Variants in MCTP1 observed in about 807,000 individuals in gnomAD.
The protein encoded by MCTP1 is multiple C2 and transmembrane domain-containing protein 1.
Under a neutral mutation model 120.6 loss-of-function variants are expected in MCTP1, and 69 were observed. That is an observed-to-expected ratio of 0.57 (90% CI 0.47 to 0.70). The LOEUF is 0.70. Among genes scored for constraint, MCTP1 ranks in the 30% least tolerant of loss-of-function variants. The pLI, the probability that MCTP1 is intolerant of heterozygous loss-of-function variation, is 0.00. For missense variants in MCTP1, 1,203 were observed against 1,248.8 expected, an observed-to-expected ratio of 0.96 and a Z score of 0.55; for synonymous variants, 529 against 493.1, an observed-to-expected ratio of 1.07 and a Z score of -0.96.
rs1753977483 is a variant in MCTP1 at position 94,703,895 on chromosome 5, C to CCATT, written c.*3597_*3600dup. 6.6e-6 allele frequency: 1 copy of CCATT among 150,656 alleles called. No homozygotes were observed. The highest frequency in any genetic ancestry group is 2.4e-5 in the African/African-American group (1 of 41,150). 9.3% of individuals were successfully genotyped at this position (150,656 alleles called of 1,614,324 possible). ...TTCAATAGTATTTCTCAAATTTTAG[C>CCATT]CATTCAGCTGAAGTAAATCTTATGT... On this transcript the variant is annotated 3_prime_UTR_variant, in exon 23 of 23. Transcript: ENST00000515393.
intron 1 of MCTP1, among the ~76,000 whole-genome samples, chr5:95,031,027 C>A (rs1246045508): frequency 6.6e-6 from 1 of 150,606 alleles, no homozygotes; most frequent in Non-Finnish European, 1.5e-5. Context: ...ACTAACCAAG[C>A]AAAAGAATGA....
At chr5:95,051,924 C>T (rs1295177977) in intron 1 of MCTP1, among the ~76,000 whole-genome samples, 1 of 152,102 alleles carries the variant, frequency 6.6e-6, no homozygotes. Flanking sequence ...AAAAACTACC[C>T]ATCCAGTACT....
intron 1 of MCTP1, among the ~76,000 whole-genome samples, chr5:95,157,799 C>T (rs1395849315): frequency 6.6e-6 from 1 of 152,182 alleles, no homozygotes; most frequent in African/African-American, 2.4e-5. Context: ...CAGCCAGATG[C>T]CTGTTTTTAT....
chr5:95,024,753 A>G (rs1838912090), intron 1 of MCTP1, among the ~76,000 whole-genome samples: 1 of 152,152 alleles, frequency 6.6e-6, no homozygotes, highest in Non-Finnish European at 1.5e-5. Context: ...ATCAACTTAC[A>G]AAAACCAGTG....
chr5:94,769,302 A>C (rs1217970210), intron 19 of MCTP1, among the ~76,000 whole-genome samples: 1 of 152,210 alleles, frequency 6.6e-6, no homozygotes, highest in African/African-American at 2.4e-5. Context: ...ACTAAGTCCT[A>C]GTGTTCAATA....
intron 10 of MCTP1, among the ~76,000 whole-genome samples, chr5:94,903,773 A>C (rs917118840): frequency 6.6e-6 from 1 of 152,228 alleles, no homozygotes. Flanking sequence ...ATAAACAAGC[A>C]TTTGGCACAC....
chr5:94,799,722 AT>A (rs952564258), intron 17 of MCTP1, among the ~76,000 whole-genome samples: 4 of 152,156 alleles, frequency 2.6e-5, no homozygotes. Context: ...TTACAAGCAA[AT>A]TTTGTCAAAA....
intron 19 of MCTP1, among the ~76,000 whole-genome samples, chr5:94,752,291 G>A (rs898680280): frequency 2.0e-5 from 3 of 151,308 alleles, no homozygotes; most frequent in Non-Finnish European, 2.9e-5. Context: ...AAAGTGGTGA[G>A]GATGAGCCCT....
intron 1 of MCTP1, among the ~76,000 whole-genome samples, chr5:95,088,656 G>A (rs1252289848): frequency 6.6e-6 from 1 of 152,106 alleles, no homozygotes; most frequent in Non-Finnish European, 1.5e-5. Context: ...TTGTGTAAAT[G>A]GTACTTTATT....
intron 1 of MCTP1, among the ~76,000 whole-genome samples, chr5:95,109,651 C>T (rs944952645): frequency 1.6e-4 from 24 of 152,178 alleles, no homozygotes; most frequent in South Asian, 6.2e-4. Flanking sequence ...GTTACACAGA[C>T]GCAGAAAATA....
intron 17 of MCTP1, among the ~76,000 whole-genome samples, chr5:94,839,145 C>T (rs191097495): frequency 6.6e-6 from 1 of 152,298 alleles, no homozygotes. Flanking sequence ...CCCTCAGATA[C>T]CATCCCTATG....
At chr5:94,766,578 C>T (rs983014750) in intron 19 of MCTP1, among the ~76,000 whole-genome samples, 1 of 151,648 alleles carries the variant, frequency 6.6e-6, no homozygotes, top group Admixed American at 6.6e-5. Flanking sequence ...TGCTAAATGA[C>T]GAGTTAACGG....
intron 1 of MCTP1, among the ~76,000 whole-genome samples, chr5:95,045,737 C>A (rs11742979): frequency 0.76 from 114,880 of 151,606 alleles, 46,443 homozygotes; most frequent in Non-Finnish European, 0.91. Context: ...ATATACCAAA[C>A]ATGTGATATA....
chr5:95,228,493 C>A (rs76249218), intron 1 of MCTP1, among the ~76,000 whole-genome samples: 26 of 92,584 alleles, frequency 2.8e-4, no homozygotes, highest in African/African-American at 4.6e-4. Flanking sequence ...AGAGAGAGAG[C>A]GAGACAAATG....
At chr5:95,269,245 C>T (rs455516) in intron 1 of MCTP1, among the ~76,000 whole-genome samples, 130,692 of 152,202 alleles carry the variant, frequency 0.86, 56,242 homozygotes, top group African/African-American at 0.92. Flanking sequence ...CATTATCTCA[C>T]ACCTTGCTTT....
intron 19 of MCTP1, among the ~76,000 whole-genome samples, chr5:94,766,286 A>G (rs551828147): frequency 5.9e-5 from 9 of 152,306 alleles, no homozygotes; most frequent in African/African-American, 1.9e-4. Context: ...ATGTCCATCA[A>G]TGATAGACTG....
rs533458120 is a variant in MCTP1 at position 95,244,298 on chromosome 5, A to G, written c.720+39558T>C. Among the ~76,000 whole-genome samples, 15 of 152,286 alleles carry G rather than the reference A, an allele frequency of 9.8e-5. 1 individual carries two copies. The highest frequency in any genetic ancestry group is 2.9e-4 in the African/African-American group (12 of 41,568). On this transcript the variant is annotated intron_variant, in intron 1 of 22. Coordinates refer to ENST00000515393, the MANE Select transcript of MCTP1 (RefSeq NM_024717.7). ...CAGGTGATTTCTGCATTTCCAACTG[A>G]GGTACCTGGTTCATCTCATTGGGAC...
chr5:94,905,209 C>T (rs1265738561), intron 10 of MCTP1, among the ~76,000 whole-genome samples: 1 of 151,902 alleles, frequency 6.6e-6, no homozygotes, highest in African/African-American at 2.4e-5. Context: ...AGCAAAGAGG[C>T]CAGCTGGCTG....
chr5:95,119,018 C>T (rs1387898119), intron 1 of MCTP1, among the ~76,000 whole-genome samples: 1 of 152,198 alleles, frequency 6.6e-6, no homozygotes, highest in Non-Finnish European at 1.5e-5. Context: ...ACTTAATCTG[C>T]ACTACAGAAC....
Sources: gnomAD v4.1 joint callset for allele counts (sites outside exome capture counted in the v4.1 genomes callset) on GRCh38, gnomAD v4.1.1 for gene constraint, MANE v1.5 for transcripts, NCBI Gene and HGNC (gene_info 2026-07-23, HGNC 2026-07-21) for gene names.